ROBO1: variants seen among roughly 807,000 people sequenced by gnomAD.
The protein encoded by ROBO1 is roundabout homolog 1.
Under a neutral mutation model 195.9 loss-of-function variants are expected in ROBO1, and 149 were observed. The observed-to-expected ratio is 0.76, with a 90% CI of 0.67 to 0.87. The LOEUF is 0.87. Among genes scored for constraint, ROBO1 ranks in the 40% least tolerant of loss-of-function variants. The pLI, the probability that ROBO1 is intolerant of heterozygous loss-of-function variation, is 0.00. For synonymous variants in ROBO1, 816 were observed against 733.2 expected (o/e 1.11, Z -1.82); for missense variants, 1,933 against 2,068.3 (o/e 0.93, Z 1.27).
chr3:79,661,951 C>G (rs531778699), intron 1 of ROBO1, among the ~76,000 whole-genome samples: 2 of 152,002 alleles, frequency 1.3e-5, no homozygotes, highest in African/African-American at 2.4e-5. Context: ...CTTTGAATGC[C>G]TAAGTGTAAT....
intron 26 of ROBO1, among the ~76,000 whole-genome samples, chr3:78,622,367 A>G (rs575155589): frequency 1.3e-5 from 2 of 152,278 alleles, no homozygotes; most frequent in South Asian, 2.1e-4. Context: ...AATGTAATCA[A>G]TGTATTTATT....
chr3:78,891,902 T>C (rs1323609551), intron 4 of ROBO1, among the ~76,000 whole-genome samples: 1 of 152,226 alleles, frequency 6.6e-6, no homozygotes, highest in Non-Finnish European at 1.5e-5. Flanking sequence ...TCTGCTGTGA[T>C]AGATGTCTAA....
intron 2 of ROBO1, among the ~76,000 whole-genome samples, chr3:79,270,179 T>TTCTCTCTCTCTCTC (rs138141200): frequency 1.6e-4 from 22 of 140,786 alleles, no homozygotes; most frequent in African/African-American, 5.6e-4. Context: ...ATACATAATG[T>TTCTCTCTCTCTCTC]TCTCTCTCTC....
rs115922344 is a variant in ROBO1, at chr3:79,172,797, C to T, written c.89-47258G>A. On this transcript the variant is annotated intron_variant, in intron 2 of 30. Coordinates refer to ENST00000464233, the MANE Select transcript of ROBO1 (RefSeq NM_002941.4). ...ATTTAAGCACATTTTATTTTGCTTACGACATTTGTTCTTTTAGTTTAGAAT... is the reference window on the plus strand; with the variant it reads ...ATTTAAGCACATTTTATTTTGCTTATGACATTTGTTCTTTTAGTTTAGAAT... Among the ~76,000 whole-genome samples the T allele has an allele frequency of 1.1e-3, 160 of 152,106 alleles. 1 individual carries two copies. Among genetic ancestry groups the T allele is most frequent in the African/African-American group, 3.2e-3 (133 of 41,492 alleles).
At chr3:79,154,529 T>C (rs2080826323) in intron 2 of ROBO1, among the ~76,000 whole-genome samples, 1 of 151,698 alleles carries the variant, frequency 6.6e-6, no homozygotes. Flanking sequence ...ATGAAACAAC[T>C]CACATTTAAC....
At chr3:78,611,451 T>C (rs1703803504) in intron 28 of ROBO1, among the ~76,000 whole-genome samples, 1 of 152,216 alleles carries the variant, frequency 6.6e-6, no homozygotes, top group Non-Finnish European at 1.5e-5. Context: ...TAAATATTCA[T>C]ATATCCTAAT....
chr3:79,014,706 T>A (rs1236402137), intron 3 of ROBO1, among the ~76,000 whole-genome samples: 1 of 152,346 alleles, frequency 6.6e-6, no homozygotes, highest in East Asian at 1.9e-4. Context: ...ACCTTAGGCC[T>A]AATTTTAAAT....
At chr3:79,391,368 C>T (rs903104736) in intron 2 of ROBO1, among the ~76,000 whole-genome samples, 2 of 152,230 alleles carry the variant, frequency 1.3e-5, no homozygotes, top group Admixed American at 1.3e-4. Context: ...GACGGAACAA[C>T]TCTATACACA....
intron 4 of ROBO1, among the ~76,000 whole-genome samples, chr3:78,917,199 C>T (rs922726496): frequency 3.4e-5 from 5 of 146,500 alleles, no homozygotes; most frequent in Admixed American, 6.9e-5. Flanking sequence ...CGGGTTCAAG[C>T]GATTCTCCTG....
At chr3:78,621,738 T>C (rs1704468002) in intron 26 of ROBO1, among the ~76,000 whole-genome samples, 2 of 152,188 alleles carry the variant, frequency 1.3e-5, no homozygotes, top group South Asian at 2.1e-4. Context: ...TGTATAAGTA[T>C]ATGACTGTGT....
chr3:78,631,429 G>A lies in ROBO1; in HGVS notation c.3482-124C>T, dbSNP rs944863627. 2.1e-5 allele frequency: 22 copies of A among 1,035,546 alleles called. No individual in the cohort carries two copies. The African/African-American group carries it at 2.7e-4, about 13-fold the overall frequency. The allele number at this position is 1,035,546 out of a possible 1,614,324, so 64.1% of individuals were successfully genotyped here. On this transcript the variant is annotated intron_variant, in intron 24 of 30. Coordinates refer to ENST00000464233, the MANE Select transcript of ROBO1 (RefSeq NM_002941.4). Reference sequence around the variant, plus strand: ...CATTTATATATACAGAGATAAACATGCTTTTTCATTAATTTTAAACAGAAC... The same window carrying A: ...CATTTATATATACAGAGATAAACATACTTTTTCATTAATTTTAAACAGAAC...
intron 2 of ROBO1, among the ~76,000 whole-genome samples, chr3:79,162,835 A>ACTG (rs1352170005): frequency 6.6e-6 from 1 of 152,120 alleles, no homozygotes; most frequent in Non-Finnish European, 1.5e-5. Context: ...GAAATTGGGT[A>ACTG]CTGCTCTGCA....
rs538380525 is a variant in ROBO1, at chr3:78,946,623, A to C, written c.173-7696T>G. Among the ~76,000 whole-genome samples the C allele has an allele frequency of 4.6e-5, 7 of 152,360 alleles. No individual in the cohort carries two copies. The South Asian group carries it at 1.4e-3, about 32-fold the overall frequency. On this transcript the variant is annotated intron_variant, in intron 3 of 30. Transcript: ENST00000464233. ...GAAGAAACTGCATCAACTAATGAGC[A>C]AAATAACCAGCTAACATCATAATGA...
chr3:79,511,746 A>G (rs540886726), intron 2 of ROBO1, among the ~76,000 whole-genome samples: 1 of 152,298 alleles, frequency 6.6e-6, no homozygotes, highest in East Asian at 1.9e-4. Context: ...AGCCATAAAA[A>G]AGAACAAGAT....
At chr3:79,175,198 C>T (rs1309910643) in intron 2 of ROBO1, among the ~76,000 whole-genome samples, 1 of 152,158 alleles carries the variant, frequency 6.6e-6, no homozygotes, top group Admixed American at 6.5e-5. Context: ...CTTTACTTCT[C>T]AAACTTATAA....
chr3:78,689,541 A>G (rs568533397), intron 8 of ROBO1, among the ~76,000 whole-genome samples: 1 of 151,950 alleles, frequency 6.6e-6, no homozygotes, highest in Admixed American at 6.6e-5. Flanking sequence ...AAAAAAAGGT[A>G]TTTGTTTTTG....
At chr3:78,684,755 G>A (rs1316199027) in intron 10 of ROBO1, among the ~76,000 whole-genome samples, 1 of 152,052 alleles carries the variant, frequency 6.6e-6, no homozygotes, top group Non-Finnish European at 1.5e-5. Flanking sequence ...TGACTCCACA[G>A]ATTCTAATTT....
chr3:79,463,981 C>G (rs1417167658), intron 2 of ROBO1, among the ~76,000 whole-genome samples: 1 of 152,150 alleles, frequency 6.6e-6, no homozygotes, highest in Admixed American at 6.5e-5. Context: ...TCCTTTCCAT[C>G]TCTATAGATT....
At chr3:78,959,685 T>C (rs570596617) in intron 3 of ROBO1, among the ~76,000 whole-genome samples, 1 of 152,270 alleles carries the variant, frequency 6.6e-6, no homozygotes, top group Admixed American at 6.5e-5. Flanking sequence ...ACCATAGATT[T>C]GCTAAAAGTT....
Sources: gnomAD v4.1 joint callset for allele counts (sites outside exome capture counted in the v4.1 genomes callset) on GRCh38, gnomAD v4.1.1 for gene constraint, MANE v1.5 for transcripts, NCBI Gene and HGNC (gene_info 2026-07-23, HGNC 2026-07-21) for gene names.